Variants in PIK3CD observed in about 807,000 individuals in gnomAD.
PIK3CD encodes the protein phosphatidylinositol-4,5-bisphosphate 3-kinase catalytic subunit delta, also known as phosphatidylinositol 4,5-bisphosphate 3-kinase catalytic subunit delta isoform.
PIK3CD carries 20 observed loss-of-function variants against 122.9 expected under a neutral mutation model. The observed-to-expected ratio is 0.16, with a 90% CI of 0.11 to 0.24. PIK3CD has a LOEUF of 0.24. Ranked by LOEUF, PIK3CD falls within the 10% of genes least tolerant of loss-of-function variation. PIK3CD has a pLI of 1.00. For synonymous variants in PIK3CD, 596 were observed against 593.4 expected, an observed-to-expected ratio of 1.00 and a Z score of -0.06; for missense variants, 787 against 1,406.3, an observed-to-expected ratio of 0.56 and a Z score of 7.04.
chr1:9,637,374 C>T, the PIK3CD span, among the ~76,000 whole-genome samples: 1 of 152,106 alleles, frequency 6.6e-6, no homozygotes, highest in Non-Finnish European at 1.5e-5. Context: ...TACAACATTA[C>T]AAAAATTAGC....
In PIK3CD at chr1:9,723,012, G is replaced by T; in HGVS notation, c.2427-113G>T. On this transcript the variant is annotated intron_variant, in intron 19 of 23. Coordinates refer to ENST00000377346, the MANE Select transcript of PIK3CD (RefSeq NM_005026.5). The surrounding 1 kb of genome is among the most constrained non-coding windows in gnomAD (Gnocchi z 4.9). ...CTCTCACCTGCTTTTTAGCAATGTG[G>T]GCAGCAGCATCTTCTGTGGCTTTTT... 1 of 1,049,752 alleles carries T rather than the reference G, an allele frequency of 9.5e-7. No individual in the cohort carries two copies. The highest frequency in any genetic ancestry group is 1.5e-6 in the Non-Finnish European group (1 of 673,296). 65.0% of individuals were successfully genotyped at this position (1,049,752 alleles called of 1,614,324 possible).
In PIK3CD at chr1:9,675,478, G is replaced by T. The variant is rs1048578281; in HGVS notation, c.-137-15989G>T. On this transcript the variant is annotated intron_variant, in intron 1 of 23. Coordinates refer to ENST00000377346, the MANE Select transcript of PIK3CD (RefSeq NM_005026.5). ...ATGGGGAAACTGAGGCACAGAAAGGGGAAGTAACTTACCTAAGTCTTACCC... is the reference window on the plus strand; with the variant it reads ...ATGGGGAAACTGAGGCACAGAAAGGTGAAGTAACTTACCTAAGTCTTACCC... Among the ~76,000 whole-genome samples, 6 of 152,046 alleles carry T rather than the reference G, an allele frequency of 3.9e-5. No individual in the cohort carries two copies. The South Asian group carries it at 6.2e-4, about 16-fold the overall frequency.
At chr1:9,687,043 A>C (rs939482971) in intron 1 of PIK3CD, among the ~76,000 whole-genome samples, 1 of 152,150 alleles carries the variant, frequency 6.6e-6, no homozygotes, top group African/African-American at 2.4e-5. Flanking sequence ...ATTTCAAAGA[A>C]TCTTGGATTT....
intron 23 of PIK3CD, among the ~76,000 whole-genome samples, chr1:9,725,660 C>T (rs1412032492): frequency 5.3e-5 from 8 of 151,884 alleles, no homozygotes; most frequent in Non-Finnish European, 8.8e-5. Context: ...GGGCAGATCA[C>T]GAGGTCAGGA....
In PIK3CD at chr1:9,721,448, G is replaced by A. The variant is rs1379547883; in HGVS notation, c.1816G>A (p.Asp606Asn). Reference protein sequence around the residue: ...AIKSLRKLTDDELFQYLLQLV... With the variant: ...AIKSLRKLTDNELFQYLLQLV... ...CAGCGCCTTCCTTCCCTGCAGGGAC[G>A]ATGAGCTGTTCCAGTACCTGCTGCA... The change falls in exon 15 of 24, where the codon GAT becomes AAT. Residue 606 changes from aspartate (D) to asparagine (N), a missense_variant. By Grantham distance (23) the Asp-to-Asn change is conservative. Coordinates refer to ENST00000377346, the MANE Select transcript of PIK3CD (RefSeq NM_005026.5). The A allele has an allele frequency of 6.2e-7, 1 of 1,613,482 alleles. No individual in the cohort carries two copies. Among genetic ancestry groups the A allele is most frequent in the Admixed American group, 1.7e-5 (1 of 60,018 alleles).
chr1:9,702,537 T>TTTTTTTTTTTG (rs1646683763), intron 2 of PIK3CD, among the ~76,000 whole-genome samples: 1 of 127,016 alleles, frequency 7.9e-6, no homozygotes, highest in Non-Finnish European at 1.6e-5. Flanking sequence ...TTTTTTTTTT[T>TTTTTTTTTTTG]GAGGCAGAGT....
At chr1:9,663,853 G>A (rs1645079719) in intron 1 of PIK3CD, among the ~76,000 whole-genome samples, 4 of 150,806 alleles carry the variant, frequency 2.7e-5, no homozygotes, top group Non-Finnish European at 5.9e-5. Context: ...TTGTCCTTGC[G>A]ATAGTTTGCT....
chr1:9,645,490 C>T, the PIK3CD span, among the ~76,000 whole-genome samples: 1 of 151,244 alleles, frequency 6.6e-6, no homozygotes, highest in African/African-American at 2.4e-5. Context: ...TGAAGCTTCG[C>T]TCTTGTTGCC....
chr1:9,678,140 A>G (rs1281478459), intron 1 of PIK3CD, among the ~76,000 whole-genome samples: 1 of 103,774 alleles, frequency 9.6e-6, no homozygotes, highest in African/African-American at 4.3e-5. Context: ...GCGAAACTCC[A>G]TCTCAAAAAA....
intron 15 of PIK3CD, 72 bp from the exon 16 acceptor site, chr1:9,721,689 G>A (rs1048719596): frequency 5.8e-5 from 93 of 1,602,518 alleles, no homozygotes; most frequent in Non-Finnish European, 7.6e-5. Context: ...TCCTGGCCTC[G>A]CTAGGTCCTG....
intron 14 of PIK3CD, 83 bp downstream of exon 14, chr1:9,721,331 G>A: frequency 6.2e-7 from 1 of 1,609,854 alleles, no homozygotes; most frequent in Non-Finnish European, 8.5e-7. Flanking sequence ...GGTGGGGCCT[G>A]AACCTTCCCG....
rs750822538 is a variant in PIK3CD at position 9,654,238 on chromosome 1, T to C, written c.-138+2436T>C. The C allele has an allele frequency of 2.9e-6, 4 of 1,367,588 alleles. No individual in the cohort carries two copies. The African/African-American group carries it at 5.9e-5, about 20-fold the overall frequency. 84.7% of individuals were successfully genotyped at this position (1,367,588 alleles called of 1,614,324 possible). A position where few individuals can be genotyped will look rare whatever the true frequency, so the allele number is the denominator to read the frequency against. On this transcript the variant is annotated intron_variant, in intron 1 of 23. Coordinates refer to ENST00000377346, the MANE Select transcript of PIK3CD (RefSeq NM_005026.5). ...ATTAGGGCACGTGCCCCAGAGGTAC[T>C]CCCGACCACGCAGATGTCCCCTTCT...
intron 1 of PIK3CD, among the ~76,000 whole-genome samples, chr1:9,682,125 G>A (rs529703410): frequency 5.9e-5 from 9 of 152,188 alleles, no homozygotes; most frequent in African/African-American, 1.2e-4. Flanking sequence ...GTTTTGCCAC[G>A]TTGGCCAGGC....
chr1:9,685,531 G>T (rs1317694533), intron 1 of PIK3CD, among the ~76,000 whole-genome samples: 1 of 151,942 alleles, frequency 6.6e-6, no homozygotes, highest in Non-Finnish European at 1.5e-5. Context: ...GCTAATTCTT[G>T]TATTTTTAGT....
At chr1:9,692,581 T>A (rs1570256438) in intron 2 of PIK3CD, among the ~76,000 whole-genome samples, 1 of 148,436 alleles carries the variant, frequency 6.7e-6, no homozygotes, top group South Asian at 2.2e-4. Context: ...ATACAAAAAA[T>A]TAGCTGGGCG....
chr1:9,724,407 T>C lies in PIK3CD; in HGVS notation c.2850T>C (p.Ser950=). 1 of 1,613,746 alleles carries C rather than the reference T, an allele frequency of 6.2e-7. No homozygotes were observed. Among genetic ancestry groups the C allele is most frequent in the Non-Finnish European group, 8.5e-7 (1 of 1,179,826 alleles). ...TTCAGCAGGGGAAGACTAATAATAG[T>C]GAGAAATTTGAACGGTGAGAGTGCC... The part of the protein sequence containing the change: ...HVIQQGKTNN[S]EKFERFRGYC... Residue 950 remains serine (S), a synonymous_variant, in exon 22 of 24, where the codon AGT becomes AGC. Transcript: ENST00000377346. The surrounding 1 kb of genome is among the most constrained non-coding windows in gnomAD (Gnocchi z 7.3).
chr1:9,671,033 C>G (rs775465093), intron 1 of PIK3CD, among the ~76,000 whole-genome samples: 101 of 151,896 alleles, frequency 6.6e-4, no homozygotes, highest in Non-Finnish European at 1.2e-4. Context: ...GCTGGGATTA[C>G]AGATGTGAGC....
At chr1:9,628,582 G>A in the PIK3CD span, among the ~76,000 whole-genome samples, 1 of 152,242 alleles carries the variant, frequency 6.6e-6, no homozygotes, top group South Asian at 2.1e-4. Context: ...CCAGTGGTGG[G>A]TGAGTGGAGG....
At position 9,722,193 on chromosome 1, in the gene PIK3CD, GGGA is replaced by G. The variant is rs1243668367; in HGVS notation, c.2234+43_2234+45del. On this transcript the variant is annotated intron_variant, in intron 17 of 23. Coordinates refer to ENST00000377346, the MANE Select transcript of PIK3CD (RefSeq NM_005026.5). The surrounding 1 kb of genome is among the most constrained non-coding windows in gnomAD (Gnocchi z 7.6). ...CGCCACAAGGGTTCCTCCCACCCCT[GGGA>G]GGCCGGTAGAGGAGCCCCTGCTGAC... 1 of 1,611,712 alleles carries G rather than the reference GGGA, an allele frequency of 6.2e-7. No homozygotes were observed. The highest frequency in any genetic ancestry group is 1.7e-5 in the Admixed American group (1 of 59,816).
Sources: allele counts gnomAD v4.1 joint callset (sites outside exome capture counted in the v4.1 genomes callset), GRCh38; gene constraint gnomAD v4.1.1; non-coding constraint Gnocchi (gnomAD v3.1); transcripts MANE v1.5; gene names NCBI Gene and HGNC (gene_info 2026-07-23, HGNC 2026-07-21).